The following ERBB4 variants were observed in gnomAD, a reference collection of about 807,000 sequenced individuals.
ERBB4 encodes erb-b2 receptor tyrosine kinase 4.
ERBB4 carries 42 observed loss-of-function variants against 158.0 expected under a neutral mutation model. The observed-to-expected ratio is 0.27, with a 90% CI of 0.21 to 0.34. ERBB4 has a LOEUF of 0.34. Ranked by LOEUF, ERBB4 falls within the 10% of genes least tolerant of loss-of-function variation. The probability of loss-of-function intolerance (pLI) is 1.00; values close to 1 mark genes in which losing one functional copy is unlikely to be tolerated. For synonymous variants in ERBB4, 583 were observed against 558.7 expected (o/e 1.04, Z -0.61); for missense variants, 1,333 against 1,624.1 (o/e 0.82, Z 3.08).
chr2:211,713,988 T>C (rs1345436023), intron 7 of ERBB4, among the ~76,000 whole-genome samples: 1 of 152,184 alleles, frequency 6.6e-6, no homozygotes, highest in Non-Finnish European at 1.5e-5. Flanking sequence ...TGACGCAAGT[T>C]TGAAGTCCAA....
chr2:211,722,591 G>A, intron 6 of ERBB4, 57 bp from the exon 7 acceptor site: 3 of 1,549,236 alleles, frequency 1.9e-6, no homozygotes. Flanking sequence ...ACTTGTTAAT[G>A]AAACGCTGCC....
intron 10 of ERBB4, among the ~76,000 whole-genome samples, chr2:211,704,869 A>T (rs75063594): frequency 0.024 from 3,706 of 152,312 alleles, 150 homozygotes; most frequent in African/African-American, 0.084. Context: ...ATCTTTAAAA[A>T]TAACATGAGT....
chr2:212,399,099 C>T (rs954574801), intron 1 of ERBB4, among the ~76,000 whole-genome samples: 11 of 151,984 alleles, frequency 7.2e-5, no homozygotes, highest in Admixed American at 2.0e-4. Context: ...CCCACCACCA[C>T]GCCTGACTAA....
At chr2:211,845,707 A>C (rs1006363409) in intron 3 of ERBB4, among the ~76,000 whole-genome samples, 18 of 152,162 alleles carry the variant, frequency 1.2e-4, no homozygotes, top group Admixed American at 6.6e-5. Context: ...GAAAAAAAGA[A>C]GACTCTGTAT....
intron 1 of ERBB4, among the ~76,000 whole-genome samples, chr2:212,226,593 A>T (rs2083478861): frequency 1.3e-5 from 2 of 152,136 alleles, no homozygotes; most frequent in Admixed American, 1.3e-4. Flanking sequence ...ATCACTGATA[A>T]ACTTGTTACT....
chr2:212,430,192 A>T (rs543554183), intron 1 of ERBB4, among the ~76,000 whole-genome samples: 1 of 152,226 alleles, frequency 6.6e-6, no homozygotes, highest in Non-Finnish European at 1.5e-5. Flanking sequence ...TGTGTTTTAT[A>T]TACATACATA....
chr2:211,739,878 AT>A (rs1263994771), intron 5 of ERBB4, among the ~76,000 whole-genome samples: 2 of 152,150 alleles, frequency 1.3e-5, no homozygotes, highest in Non-Finnish European at 2.9e-5. Flanking sequence ...AAAAACTGAC[AT>A]TTTCAAAGCA....
intron 18 of ERBB4, among the ~76,000 whole-genome samples, chr2:211,622,064 C>T (rs2069626048): frequency 6.6e-6 from 1 of 152,156 alleles, no homozygotes; most frequent in African/African-American, 2.4e-5. Flanking sequence ...ATCAAATTCA[C>T]AGCAGTACTT....
chr2:212,091,799 T>C (rs776816107), intron 2 of ERBB4, among the ~76,000 whole-genome samples: 4 of 152,222 alleles, frequency 2.6e-5, no homozygotes, highest in Non-Finnish European at 5.9e-5. Flanking sequence ...GCCCATATTT[T>C]TGAAATAAAC....
intron 3 of ERBB4, among the ~76,000 whole-genome samples, chr2:211,829,363 T>C (rs571285164): frequency 1.3e-5 from 2 of 152,190 alleles, no homozygotes; most frequent in Non-Finnish European, 2.9e-5. Context: ...ACAATTTTTA[T>C]ATAATATTTG....
At chr2:212,288,921 TAAAA>T (rs2086103464) in intron 1 of ERBB4, among the ~76,000 whole-genome samples, 1 of 151,958 alleles carries the variant, frequency 6.6e-6, no homozygotes, top group African/African-American at 2.4e-5. Flanking sequence ...TGTTATATAT[TAAAA>T]GAAAGGGAGG....
chr2:211,791,469 T>A lies in ERBB4; in HGVS notation c.422-3310A>T, dbSNP rs76560374. 7.0e-3 allele frequency among the ~76,000 whole-genome samples: 1,066 copies of A among 151,934 alleles called. 9 individuals carry two copies. The highest frequency in any genetic ancestry group is 0.024 in the African/African-American group (1,014 of 41,520). On this transcript the variant is annotated intron_variant, in intron 3 of 27. Coordinates refer to ENST00000342788, the MANE Select transcript of ERBB4 (RefSeq NM_005235.3). ...TAGGCAAAGGAGGCACACATTTAAT[T>A]GATACTCAAAGAAAGATGCAAAGTG... is the stretch of plus-strand genomic sequence containing the variant.
intron 20 of ERBB4, among the ~76,000 whole-genome samples, chr2:211,447,089 TG>T (rs1369561857): frequency 6.6e-6 from 1 of 152,172 alleles, no homozygotes; most frequent in East Asian, 1.9e-4. Context: ...CAAAAATCAG[TG>T]GGTTTCTTTT....
intron 19 of ERBB4, among the ~76,000 whole-genome samples, chr2:211,586,316 T>C (rs933709999): frequency 6.6e-6 from 1 of 152,064 alleles, no homozygotes; most frequent in African/African-American, 2.4e-5. Flanking sequence ...AGTATATATA[T>C]AGAACTTAAG....
At chr2:211,869,697 A>C (rs1358354459) in intron 3 of ERBB4, among the ~76,000 whole-genome samples, 1 of 152,202 alleles carries the variant, frequency 6.6e-6, no homozygotes, top group Non-Finnish European at 1.5e-5. Flanking sequence ...TTGGACCCCC[A>C]AAATTATCAG....
chr2:212,463,261 C>G (rs1404206680), intron 1 of ERBB4, among the ~76,000 whole-genome samples: 1 of 151,934 alleles, frequency 6.6e-6, no homozygotes, highest in Non-Finnish European at 1.5e-5. Flanking sequence ...TTTGAATTTT[C>G]CCAACGCAAA....
At chr2:212,532,272 A>G (rs1692795405) in intron 1 of ERBB4, among the ~76,000 whole-genome samples, 2 of 152,214 alleles carry the variant, frequency 1.3e-5, no homozygotes, top group Admixed American at 6.5e-5. Flanking sequence ...CCGGACTTCT[A>G]TGACACCAGT....
At chr2:212,224,887 T>C (rs1172905163) in intron 1 of ERBB4, among the ~76,000 whole-genome samples, 2 of 152,068 alleles carry the variant, frequency 1.3e-5, no homozygotes, top group African/African-American at 4.8e-5. Flanking sequence ...ATTTGTTGAG[T>C]CATACATTTT....
chr2:211,925,967 C>G (rs1336774857), intron 3 of ERBB4, among the ~76,000 whole-genome samples: 1 of 151,986 alleles, frequency 6.6e-6, no homozygotes, highest in African/African-American at 2.4e-5. Context: ...AACTGAAATG[C>G]AGTAGTAAGA....
Sources: gnomAD v4.1 joint callset for allele counts (sites outside exome capture counted in the v4.1 genomes callset) on GRCh38, gnomAD v4.1.1 for gene constraint, MANE v1.5 for transcripts, NCBI Gene and HGNC (gene_info 2026-07-23, HGNC 2026-07-21) for gene names.